ASAP1: variants seen among roughly 807,000 people sequenced by gnomAD.
ASAP1 encodes the protein arf-GAP with SH3 domain, ANK repeat and PH domain-containing protein 1.
In ASAP1, 43 loss-of-function variants were observed where a neutral mutation model predicts 145.2. The ratio of observed to expected loss-of-function variants is 0.30; its 90% confidence interval spans 0.23 to 0.38. ASAP1 has a LOEUF of 0.38. ASAP1 is among the 10% of genes least tolerant of loss of function. The pLI is 1.00. For missense variants in ASAP1, 1,018 were observed against 1,355.3 expected (o/e 0.75, Z 3.91); for synonymous variants, 546 against 515.5 (o/e 1.06, Z -0.80).
At chr8:130,074,482 CACACAG>C (rs1425803050) in intron 27 of ASAP1, among the ~76,000 whole-genome samples, 32 of 142,320 alleles carry the variant, frequency 2.2e-4, no homozygotes, top group African/African-American at 6.0e-4. Flanking sequence ...CACACACACA[CACACAG>C]AGAGAACGAG....
At chr8:130,425,397 G>T (rs139121951) in intron 1 of ASAP1, among the ~76,000 whole-genome samples, 11 of 151,592 alleles carry the variant, frequency 7.3e-5, no homozygotes, top group Non-Finnish European at 1.3e-4. Flanking sequence ...CACAGCTGTA[G>T]TCCCAACTGT....
chr8:130,364,467 C>G (rs1826858957), intron 2 of ASAP1, among the ~76,000 whole-genome samples: 1 of 152,190 alleles, frequency 6.6e-6, no homozygotes, highest in South Asian at 2.1e-4. Context: ...GGTTACCTGT[C>G]AAGTAGTGGA....
chr8:130,062,616 C>T (rs2097421979), intron 27 of ASAP1, among the ~76,000 whole-genome samples: 2 of 152,156 alleles, frequency 1.3e-5, no homozygotes, highest in African/African-American at 4.8e-5. Flanking sequence ...ACTGATGGGG[C>T]AAGAGAAACT....
At chr8:130,128,307 G>A (rs969283763) in intron 15 of ASAP1, among the ~76,000 whole-genome samples, 1 of 151,880 alleles carries the variant, frequency 6.6e-6, no homozygotes, top group African/African-American at 2.4e-5. Context: ...TGACACATAG[G>A]GGAAAATGAG....
chr8:130,093,686 A>AAAAAAAAAAAAG (rs767063471), intron 24 of ASAP1, among the ~76,000 whole-genome samples: 112 of 131,950 alleles, frequency 8.5e-4, no homozygotes, highest in African/African-American at 1.0e-3. Context: ...AAAAAAAAAA[A>AAAAAAAAAAAAG]AAAGAAAGCT....
At chr8:130,064,459 C>A (rs1056628543) in intron 27 of ASAP1, among the ~76,000 whole-genome samples, 1 of 152,144 alleles carries the variant, frequency 6.6e-6, no homozygotes, top group African/African-American at 2.4e-5. Flanking sequence ...AAGGAACAGT[C>A]TGGAATGGAG....
At chr8:130,438,961 A>G (rs879308629) in intron 1 of ASAP1, among the ~76,000 whole-genome samples, 14 of 152,240 alleles carry the variant, frequency 9.2e-5, no homozygotes, top group Non-Finnish European at 2.1e-4. Flanking sequence ...CTGGGAACAC[A>G]TTAGGTTCCA....
intron 25 of ASAP1, among the ~76,000 whole-genome samples, chr8:130,085,738 G>T (rs13250093): frequency 8.0e-6 from 1 of 125,398 alleles, no homozygotes; most frequent in Admixed American, 8.7e-5. Flanking sequence ...TTGTCTTTAA[G>T]AAAAAAAAAA....
intron 1 of ASAP1, among the ~76,000 whole-genome samples, chr8:130,422,274 C>A (rs535194107): frequency 6.6e-6 from 1 of 152,124 alleles, no homozygotes; most frequent in African/African-American, 2.4e-5. Context: ...GGAGATGAAG[C>A]CGATGAGGAC....
chr8:130,256,767 ATATATATATATATATCCT>A (rs1227116155), intron 3 of ASAP1, among the ~76,000 whole-genome samples: 17 of 131,906 alleles, frequency 1.3e-4, no homozygotes, highest in South Asian at 2.3e-4. Flanking sequence ...ATATATATAT[ATATATATATATATATCCT>A]TATATATATA....
chr8:130,107,525 T>TGTAC (rs2097539367), intron 24 of ASAP1, among the ~76,000 whole-genome samples: 1 of 80,198 alleles, frequency 1.2e-5, no homozygotes, highest in Non-Finnish European at 2.9e-5. Flanking sequence ...AATGTATGTA[T>TGTAC]GTATGTATGT....
chr8:130,417,616 G>C (rs62517739), intron 1 of ASAP1, among the ~76,000 whole-genome samples: 1 of 148,612 alleles, frequency 6.7e-6, no homozygotes, highest in Non-Finnish European at 1.5e-5. Context: ...CCTGGCTTCA[G>C]GGGAAAAAAA....
At chr8:130,134,368 A>G in intron 14 of ASAP1, 24 bp from the exon 15 acceptor site, 2 of 1,485,230 alleles carry the variant, frequency 1.3e-6, no homozygotes, top group Non-Finnish European at 1.8e-6. Context: ...AAAGAAAAAT[A>G]AGTGAAACCT....
At chr8:130,270,006 C>T (rs753779119) in intron 3 of ASAP1, among the ~76,000 whole-genome samples, 7 of 152,202 alleles carry the variant, frequency 4.6e-5, no homozygotes, top group Middle Eastern at 3.4e-3. Context: ...CTCATCTCTA[C>T]TAAAAATAGA....
At chr8:130,442,069 T>C (rs375733888) in intron 1 of ASAP1, among the ~76,000 whole-genome samples, 1 of 152,210 alleles carries the variant, frequency 6.6e-6, no homozygotes, top group African/African-American at 2.4e-5. Flanking sequence ...ATCCACTTAG[T>C]GGCGTTAGGT....
intron 1 of ASAP1, among the ~76,000 whole-genome samples, chr8:130,430,965 C>T (rs530180320): frequency 3.3e-5 from 5 of 152,268 alleles, no homozygotes; most frequent in African/African-American, 7.2e-5. Context: ...CATAGACTTG[C>T]GCCTCCCTCA....
At chr8:130,389,030 G>C (rs369677211) in intron 2 of ASAP1, among the ~76,000 whole-genome samples, 1 of 152,180 alleles carries the variant, frequency 6.6e-6, no homozygotes, top group Admixed American at 6.5e-5. Context: ...CAGGATTGTT[G>C]TAAGGATTGA....
chr8:130,140,642 G>A (rs1249565405), intron 13 of ASAP1, among the ~76,000 whole-genome samples: 2 of 152,200 alleles, frequency 1.3e-5, no homozygotes, highest in African/African-American at 4.8e-5. Context: ...ACGTTATGAT[G>A]TTTATTCTCT....
intron 3 of ASAP1, among the ~76,000 whole-genome samples, chr8:130,291,086 C>A (rs1821917605): frequency 6.6e-6 from 1 of 152,108 alleles, no homozygotes; most frequent in African/African-American, 2.4e-5. Context: ...GCCTCTGCTG[C>A]AGCTAAAAAT....
Sources: allele counts gnomAD v4.1 joint callset (sites outside exome capture counted in the v4.1 genomes callset), GRCh38; gene constraint gnomAD v4.1.1; transcripts MANE v1.5; gene names NCBI Gene and HGNC (gene_info 2026-07-23, HGNC 2026-07-21).